Variants in LRMDA observed in about 807,000 individuals in gnomAD.
The protein encoded by LRMDA is leucine-rich melanocyte differentiation-associated protein.
Under a neutral mutation model 29.8 loss-of-function variants are expected in LRMDA, and 18 were observed. That is an observed-to-expected ratio of 0.60 (90% CI 0.42 to 0.90). LRMDA has a LOEUF of 0.90. Ranked by LOEUF, LRMDA falls within the 40% of genes least tolerant of loss-of-function variation. The probability of loss-of-function intolerance (pLI) is 0.00; values close to 1 mark genes in which losing one functional copy is unlikely to be tolerated. For missense variants in LRMDA, 273 were observed against 273.9 expected (o/e 1.00, Z 0.02); for synonymous variants, 125 against 109.4 (o/e 1.14, Z -0.89).
At chr10:76,510,668 A>G (rs1843001744) in intron 6 of LRMDA, among the ~76,000 whole-genome samples, 1 of 152,208 alleles carries the variant, frequency 6.6e-6, no homozygotes, top group Non-Finnish European at 1.5e-5. Context: ...AGATAATTGT[A>G]TAATTCCTTG....
At chr10:75,788,023 C>T (rs1274733354) in intron 2 of LRMDA, among the ~76,000 whole-genome samples, 1 of 118,878 alleles carries the variant, frequency 8.4e-6, no homozygotes, top group Admixed American at 8.3e-5. Flanking sequence ...AGTGAGACTC[C>T]GTCTCAAAAA....
At chr10:76,040,589 A>G (rs547290028) in intron 3 of LRMDA, among the ~76,000 whole-genome samples, 1 of 151,590 alleles carries the variant, frequency 6.6e-6, no homozygotes, top group Non-Finnish European at 1.5e-5. Context: ...TCTCTCTCTC[A>G]CACCCAACCA....
chr10:75,748,079 G>T (rs1021266783), intron 2 of LRMDA, among the ~76,000 whole-genome samples: 1 of 151,908 alleles, frequency 6.6e-6, no homozygotes, highest in African/African-American at 2.4e-5. Context: ...TAAGTAACAG[G>T]CTTTTATTGT....
At chr10:75,960,514 C>G (rs1306028159) in intron 2 of LRMDA, among the ~76,000 whole-genome samples, 1 of 152,222 alleles carries the variant, frequency 6.6e-6, no homozygotes, top group Non-Finnish European at 1.5e-5. Context: ...AGGGAGAAAA[C>G]TTTATATGCA....
chr10:76,224,049 T>A (rs905757169), intron 5 of LRMDA, among the ~76,000 whole-genome samples: 5 of 152,154 alleles, frequency 3.3e-5, no homozygotes, highest in Admixed American at 1.3e-4. Flanking sequence ...GTTGGGAAGT[T>A]GTGGCTGTGC....
chr10:75,927,406 A>T (rs1310474310), intron 2 of LRMDA, among the ~76,000 whole-genome samples: 11 of 152,286 alleles, frequency 7.2e-5, no homozygotes, highest in African/African-American at 2.6e-4. Context: ...CAATGGAGAT[A>T]TTAATAGCTA....
At chr10:76,250,195 G>C (rs375472393) in intron 5 of LRMDA, among the ~76,000 whole-genome samples, 1 of 152,160 alleles carries the variant, frequency 6.6e-6, no homozygotes, top group Non-Finnish European at 1.5e-5. Flanking sequence ...GAAGGGGAGA[G>C]GGAAGGTGCA....
intron 6 of LRMDA, among the ~76,000 whole-genome samples, chr10:76,381,328 G>T (rs939884814): frequency 6.6e-6 from 1 of 151,616 alleles, no homozygotes; most frequent in African/African-American, 2.4e-5. Context: ...TTTGATATTT[G>T]GTATCTTCAA....
intron 2 of LRMDA, among the ~76,000 whole-genome samples, chr10:75,840,023 A>G (rs1844511402): frequency 6.6e-6 from 1 of 152,090 alleles, no homozygotes; most frequent in African/African-American, 2.4e-5. Context: ...CAACTTTTAT[A>G]ATGACATGCT....
intron 2 of LRMDA, among the ~76,000 whole-genome samples, chr10:75,777,955 A>T (rs1033541271): frequency 1.3e-5 from 2 of 152,240 alleles, no homozygotes; most frequent in East Asian, 3.8e-4. Context: ...ACACAATTAT[A>T]AGAGTAAGTT....
intron 2 of LRMDA, among the ~76,000 whole-genome samples, chr10:75,594,714 G>T (rs1490582043): frequency 6.6e-6 from 1 of 152,202 alleles, no homozygotes; most frequent in African/African-American, 2.4e-5. Flanking sequence ...ATGCGAGACA[G>T]CGTTTGTTAA....
At chr10:76,063,630 C>G (rs1225072651) in intron 5 of LRMDA, among the ~76,000 whole-genome samples, 1 of 151,960 alleles carries the variant, frequency 6.6e-6, no homozygotes, top group Non-Finnish European at 1.5e-5. Flanking sequence ...GGGAGATGCC[C>G]TGTGTTGAAG....
intron 1 of LRMDA, among the ~76,000 whole-genome samples, chr10:75,434,388 T>C (rs766180904): frequency 2.6e-5 from 4 of 152,214 alleles, no homozygotes. Context: ...AAGCACATGA[T>C]AGGCATTTAA....
In LRMDA at chr10:75,878,359, G is replaced by T. The variant is rs373985290; in HGVS notation, c.132-157649G>T. Among the ~76,000 whole-genome samples the T allele has an allele frequency of 9.4e-4, 143 of 152,082 alleles. 3 individuals carry two copies. In the South Asian group the frequency reaches 0.026, roughly 28 times the overall value. ...TGGTAGAAGTAGCTCTCAGTGAGGT[G>T]GATGGGGAGCCAGAAGGGGGGCATG... On this transcript the variant is annotated intron_variant, in intron 2 of 6. Transcript: ENST00000611255.
chr10:76,071,122 C>T (rs1490566897), intron 5 of LRMDA, among the ~76,000 whole-genome samples: 3 of 152,098 alleles, frequency 2.0e-5, no homozygotes, highest in Non-Finnish European at 4.4e-5. Context: ...ATTCCCTTGG[C>T]GAATCTGGAA....
At chr10:76,407,870 A>C (rs1841918520) in intron 6 of LRMDA, among the ~76,000 whole-genome samples, 1 of 152,256 alleles carries the variant, frequency 6.6e-6, no homozygotes, top group Admixed American at 6.5e-5. Context: ...TCTTTAAGAC[A>C]TTCCTATTAA....
intron 6 of LRMDA, among the ~76,000 whole-genome samples, chr10:76,471,386 T>G (rs1013317922): frequency 6.6e-6 from 1 of 151,746 alleles, no homozygotes; most frequent in African/African-American, 2.4e-5. Flanking sequence ...TGAAAGAGAT[T>G]CTGATGAGTT....
At position 75,562,902 on chromosome 10, in the gene LRMDA, G is replaced by A. The variant is rs1310073084; in HGVS notation, c.131+124408G>A. ...TAGAGTTTCTGCTGAGAGATCTGCT[G>A]TTAGTCTGATGGGCTTCCCTTTGAG... On this transcript the variant is annotated intron_variant, in intron 2 of 6. Coordinates refer to ENST00000611255, the MANE Select transcript of LRMDA (RefSeq NM_001305581.2). 7.2e-5 allele frequency among the ~76,000 whole-genome samples: 11 copies of A among 152,266 alleles called. No individual in the cohort carries two copies. The East Asian group carries it at 2.1e-3, about 29-fold the overall frequency.
At chr10:76,477,225 G>A (rs752192398) in intron 6 of LRMDA, among the ~76,000 whole-genome samples, 2,691 of 151,842 alleles carry the variant, frequency 0.018, 79 homozygotes, top group African/African-American at 0.06. Context: ...AAATCAATGT[G>A]CAAAAATCAC....
Sources: gnomAD v4.1 joint callset for allele counts (sites outside exome capture counted in the v4.1 genomes callset) on GRCh38, gnomAD v4.1.1 for gene constraint, MANE v1.5 for transcripts, NCBI Gene and HGNC (gene_info 2026-07-23, HGNC 2026-07-21) for gene names.